FHOD3: variants seen among roughly 807,000 people sequenced by gnomAD.
FHOD3 encodes the protein formin homology 2 domain containing 3.
A neutral mutation model predicts 173.0 loss-of-function variants in FHOD3; 90 were observed. That is an observed-to-expected ratio of 0.52 (90% CI 0.44 to 0.62). The LOEUF is 0.62. FHOD3 is among the 20% of genes least tolerant of loss of function. The pLI, the probability that FHOD3 is intolerant of heterozygous loss-of-function variation, is 0.00. For synonymous variants in FHOD3, 828 were observed against 823.0 expected, an observed-to-expected ratio of 1.01 and a Z score of -0.10; for missense variants, 1,945 against 2,034.7, an observed-to-expected ratio of 0.96 and a Z score of 0.85.
In FHOD3 at chr18:36,612,076, A is replaced by G; in HGVS notation, c.938A>G (p.Glu313Gly). The G allele has an allele frequency of 6.2e-7, 1 of 1,613,990 alleles. No homozygotes were observed. The highest frequency in any genetic ancestry group is 8.5e-7 in the Non-Finnish European group (1 of 1,179,950). Residue 313 changes from glutamate (E) to glycine (G), a missense_variant, in exon 9 of 29, where the codon GAG becomes GGG. Physicochemically the swap from Glu to Gly is moderately conservative, Grantham distance 98. Transcript: ENST00000590592. ...NKKGTDLDLV[E>G]QLNIYEVALR... ...AAAGGGACTGACCTGGACTTAGTGG[A>G]GCAACTCAACATTTATGAGGTACCA...
At chr18:36,758,102 T>A (rs2042709435) in intron 25 of FHOD3, among the ~76,000 whole-genome samples, 1 of 152,212 alleles carries the variant, frequency 6.6e-6, no homozygotes, top group Non-Finnish European at 1.5e-5. Flanking sequence ...ATGCCAGCCA[T>A]CCCAGGTTAT....
intron 3 of FHOD3, among the ~76,000 whole-genome samples, chr18:36,404,891 G>A (rs2048986818): frequency 6.6e-6 from 1 of 152,128 alleles, no homozygotes; most frequent in Non-Finnish European, 1.5e-5. Flanking sequence ...TGTAAAATCA[G>A]TTACACATTT....
At chr18:36,617,640 T>C (rs1053550932) in intron 9 of FHOD3, among the ~76,000 whole-genome samples, 1 of 135,168 alleles carries the variant, frequency 7.4e-6, no homozygotes, top group East Asian at 2.3e-4. Context: ...GATGTTTAGG[T>C]ATCAGTTTTA....
chr18:36,757,448 A>T (rs2042678749), intron 25 of FHOD3, among the ~76,000 whole-genome samples: 1 of 152,220 alleles, frequency 6.6e-6, no homozygotes, highest in Non-Finnish European at 1.5e-5. Flanking sequence ...AAAAGCTTAT[A>T]TCCCAAGGAC....
At chr18:36,402,594 C>CTAGCAACT (rs1410479778) in intron 3 of FHOD3, among the ~76,000 whole-genome samples, 27 of 150,570 alleles carry the variant, frequency 1.8e-4, no homozygotes, top group African/African-American at 5.9e-4. Flanking sequence ...GGTCACACAG[C>CTAGCAACT]TAGCAACTGT....
chr18:36,590,113 C>T (rs1029123298), intron 6 of FHOD3, among the ~76,000 whole-genome samples: 7 of 152,188 alleles, frequency 4.6e-5, no homozygotes, highest in Non-Finnish European at 8.8e-5. Context: ...CTCTCCTTCT[C>T]CGTCATTATC....
At chr18:36,317,861 C>T (rs561544058) in intron 1 of FHOD3, among the ~76,000 whole-genome samples, 32 of 152,146 alleles carry the variant, frequency 2.1e-4, no homozygotes, top group African/African-American at 7.7e-4. Flanking sequence ...TGGTTTTAGG[C>T]CTCACATTTA....
intron 11 of FHOD3, among the ~76,000 whole-genome samples, chr18:36,649,749 C>T (rs1410335276): frequency 6.6e-6 from 1 of 152,148 alleles, no homozygotes; most frequent in African/African-American, 2.4e-5. Context: ...GATTCTTGCC[C>T]TTTCAGCATT....
intron 3 of FHOD3, among the ~76,000 whole-genome samples, chr18:36,490,547 T>C (rs1224477238): frequency 1.3e-5 from 2 of 152,164 alleles, no homozygotes; most frequent in Non-Finnish European, 2.9e-5. Context: ...ATTTTATGAC[T>C]TAAAGTCTTT....
chr18:36,504,553 G>T (rs1298505348), intron 4 of FHOD3, among the ~76,000 whole-genome samples: 1 of 150,966 alleles, frequency 6.6e-6, no homozygotes, highest in Non-Finnish European at 1.5e-5. Context: ...GAGAACACAT[G>T]GACACAGGAA....
At chr18:36,762,782 C>T (rs542885177) in intron 27 of FHOD3, among the ~76,000 whole-genome samples, 3 of 148,752 alleles carry the variant, frequency 2.0e-5, no homozygotes, top group Non-Finnish European at 4.4e-5. Flanking sequence ...GGCGAAGAAG[C>T]AAGACTCTGT....
chr18:36,640,859 C>T (rs1378107416), intron 10 of FHOD3, among the ~76,000 whole-genome samples: 5 of 152,084 alleles, frequency 3.3e-5, no homozygotes, highest in Non-Finnish European at 7.4e-5. Flanking sequence ...TCGAAGGAAC[C>T]GTGCAGTGAT....
intron 24 of FHOD3, among the ~76,000 whole-genome samples, chr18:36,751,658 C>A (rs1473937708): frequency 6.6e-6 from 1 of 152,118 alleles, no homozygotes; most frequent in Non-Finnish European, 1.5e-5. Context: ...TCCTTCAATA[C>A]CTAGTTTATC....
intron 1 of FHOD3, among the ~76,000 whole-genome samples, chr18:36,349,121 G>T (rs1038078167): frequency 6.6e-6 from 1 of 152,178 alleles, no homozygotes; most frequent in Non-Finnish European, 1.5e-5. Flanking sequence ...TCATCTGGAG[G>T]CTTGGCCATC....
chr18:36,448,649 TG>T (rs1286771714), intron 3 of FHOD3, among the ~76,000 whole-genome samples: 1 of 152,122 alleles, frequency 6.6e-6, no homozygotes. Context: ...GGGCCCAGAA[TG>T]GGGGACAGGA....
At chr18:36,319,948 G>C (rs1457965332) in intron 1 of FHOD3, among the ~76,000 whole-genome samples, 1 of 152,184 alleles carries the variant, frequency 6.6e-6, no homozygotes, top group Non-Finnish European at 1.5e-5. Context: ...TGAGGACAAA[G>C]ACATAACATA....
chr18:36,439,231 T>C (rs2050987679), intron 3 of FHOD3, among the ~76,000 whole-genome samples: 1 of 152,238 alleles, frequency 6.6e-6, no homozygotes, highest in Admixed American at 6.5e-5. Flanking sequence ...CCCAACCCTA[T>C]GGTTTCTTTC....
At chr18:36,546,785 G>A (rs11665489) in intron 5 of FHOD3, among the ~76,000 whole-genome samples, 59,137 of 151,986 alleles carry the variant, frequency 0.39, 11,629 homozygotes, top group East Asian at 0.46. Flanking sequence ...GGGACACAGC[G>A]TAGGCAGCGT....
intron 4 of FHOD3, among the ~76,000 whole-genome samples, chr18:36,508,765 CA>C (rs1399964083): frequency 6.6e-6 from 1 of 151,868 alleles, no homozygotes; most frequent in Non-Finnish European, 1.5e-5. Context: ...TTAGGATGAT[CA>C]AATAGTTGAA....
Sources: gnomAD v4.1 joint callset for allele counts (sites outside exome capture counted in the v4.1 genomes callset) on GRCh38, gnomAD v4.1.1 for gene constraint, MANE v1.5 for transcripts, NCBI Gene and HGNC (gene_info 2026-07-23, HGNC 2026-07-21) for gene names.